The following UPF2 variants were observed in gnomAD, a reference collection of about 807,000 sequenced individuals.
UPF2 encodes the protein UPF2 regulator of nonsense mediated mRNA decay, also known as regulator of nonsense transcripts 2.
UPF2 carries 17 observed loss-of-function variants against 141.4 expected under a neutral mutation model. The observed-to-expected ratio is 0.12, with a 90% confidence interval of 0.08 to 0.18. The LOEUF (loss-of-function observed/expected upper bound fraction) is 0.18, where lower values mean the gene tolerates loss of function less well. Ranked by LOEUF, UPF2 falls within the 10% of genes least tolerant of loss-of-function variation. The pLI is 1.00. For missense variants in UPF2, 1,152 were observed against 1,515.9 expected, an observed-to-expected ratio of 0.76 and a Z score of 3.99; for synonymous variants, 540 against 498.0, an observed-to-expected ratio of 1.08 and a Z score of -1.12.
At chr10:12,036,183 T>A (rs1320575128) in intron 1 of UPF2, among the ~76,000 whole-genome samples, 2 of 152,138 alleles carry the variant, frequency 1.3e-5, no homozygotes, top group Non-Finnish European at 2.9e-5. Flanking sequence ...CCATTGACAG[T>A]TTGGGCAAAA....
intron 2 of UPF2, among the ~76,000 whole-genome samples, chr10:12,032,743 A>G (rs940084639): frequency 2.7e-5 from 4 of 149,906 alleles, no homozygotes; most frequent in Non-Finnish European, 4.4e-5. Context: ...GTCTCAAAAA[A>G]AAAAAAAAAA....
intron 21 of UPF2, among the ~76,000 whole-genome samples, chr10:11,922,051 G>A (rs1240593881): frequency 1.3e-5 from 2 of 152,156 alleles, no homozygotes; most frequent in Non-Finnish European, 2.9e-5. Flanking sequence ...CACACAGGGG[G>A]AAAAGGCCAC....
chr10:11,954,643 A>AAAAAATATATAT (rs1439199969), intron 14 of UPF2, among the ~76,000 whole-genome samples: 1 of 128,344 alleles, frequency 7.8e-6, no homozygotes, highest in African/African-American at 2.7e-5. Flanking sequence ...CAAAAAAAAA[A>AAAAAATATATAT]ATATATATAT....
intron 6 of UPF2, among the ~76,000 whole-genome samples, chr10:12,000,423 C>T (rs1275755150): frequency 6.6e-6 from 1 of 152,118 alleles, no homozygotes; most frequent in East Asian, 1.9e-4. Context: ...GAGAAAGAAT[C>T]TGCAGTAAGA....
chr10:11,949,414 G>A (rs1311229576), intron 15 of UPF2, among the ~76,000 whole-genome samples: 2 of 152,214 alleles, frequency 1.3e-5, no homozygotes, highest in Non-Finnish European at 1.5e-5. Context: ...CTTCCTGCAT[G>A]AACTGTCAAT....
intron 10 of UPF2, among the ~76,000 whole-genome samples, chr10:11,965,967 G>A (rs1174348111): frequency 1.3e-5 from 2 of 152,100 alleles, no homozygotes; most frequent in Admixed American, 1.3e-4. Flanking sequence ...TTCAAATGCA[G>A]AAGAATTATT....
chr10:11,966,008 T>A (rs1323659598), intron 10 of UPF2, among the ~76,000 whole-genome samples: 1 of 152,244 alleles, frequency 6.6e-6, no homozygotes, highest in African/African-American at 2.4e-5. Context: ...TTACCACATA[T>A]AATTAATTAC....
In UPF2 at chr10:11,959,281, A is replaced by G. The variant is rs758293616; in HGVS notation, c.2260T>C (p.Tyr754His). 1 of 1,613,198 alleles carries G rather than the reference A, an allele frequency of 6.2e-7. No homozygotes were observed. Among genetic ancestry groups the G allele is most frequent in the Non-Finnish European group, 8.5e-7 (1 of 1,179,732 alleles). ...TTTTCAGCTGGAGGTGGGTTGCAGT[A>G]GTAATATGCATTCTCTACCATTGTG... ...YVTMVENAYY[Y>H]CNPPPAEKTV... The change falls in exon 12 of 22, where the codon TAC becomes CAC. Residue 754 changes from tyrosine to histidine, a missense_variant. Tyr to His is a moderately conservative substitution (Grantham distance 83). Transcript: ENST00000357604. This position sits in a 1 kb window ranked among gnomAD's most constrained non-coding sequence, Gnocchi z 5.9.
At chr10:11,970,908 A>C (rs1459034319) in intron 9 of UPF2, among the ~76,000 whole-genome samples, 3 of 152,016 alleles carry the variant, frequency 2.0e-5, no homozygotes, top group Admixed American at 2.0e-4. Flanking sequence ...TATATTTTTA[A>C]ATCTCCTTGG....
Position 12,019,541 on chromosome 10 carries a change from C to T in UPF2, c.1146-5357G>A, listed in dbSNP as rs1362062456. The stretch of plus-strand genomic sequence containing the variant: ...TTCTCTCCTGCAATATCATTGCACA[C>T]TAGAGAGGTACTTGTCCCCTTTTAC... On this transcript the variant is annotated intron_variant, in intron 3 of 21. Coordinates refer to ENST00000357604, the MANE Select transcript of UPF2 (RefSeq NM_015542.4). This position sits in a 1 kb window ranked among gnomAD's most constrained non-coding sequence, Gnocchi z 4.5. 6.6e-6 allele frequency among the ~76,000 whole-genome samples: 1 copy of T among 152,208 alleles called. No homozygotes were observed. The highest frequency in any genetic ancestry group is 1.5e-5 in the Non-Finnish European group (1 of 68,032).
At chr10:11,994,219 G>A (rs1442689260) in intron 8 of UPF2, among the ~76,000 whole-genome samples, 2 of 152,028 alleles carry the variant, frequency 1.3e-5, no homozygotes, top group Non-Finnish European at 2.9e-5. Flanking sequence ...ACATAACCAC[G>A]AGGAGAAAAG....
At chr10:11,928,299 TG>T (rs1264075174) in intron 21 of UPF2, among the ~76,000 whole-genome samples, 1 of 151,932 alleles carries the variant, frequency 6.6e-6, no homozygotes, top group African/African-American at 2.4e-5. Context: ...ATCACGCTGC[TG>T]CACTCCAGCC....
chr10:11,962,545 C>T (rs1174142930), intron 11 of UPF2, among the ~76,000 whole-genome samples: 2 of 152,194 alleles, frequency 1.3e-5, no homozygotes, highest in African/African-American at 2.4e-5. Flanking sequence ...CATCCATACC[C>T]CGATTCATTT....
At position 11,920,826 on chromosome 10, in the gene UPF2, T is replaced by C. The variant is rs1421776062; in HGVS notation, c.*472A>G. The C allele has an allele frequency of 2.9e-6, 1 of 345,018 alleles. No individual in the cohort carries two copies. The highest frequency in any genetic ancestry group is 5.8e-6 in the Non-Finnish European group (1 of 173,328). The allele number at this position is 345,018 out of a possible 1,614,324, so 21.4% of individuals were successfully genotyped here. A position where few individuals can be genotyped will look rare whatever the true frequency, so the allele number is the denominator to read the frequency against. On this transcript the variant is annotated 3_prime_UTR_variant, in exon 22 of 22. Coordinates refer to ENST00000357604, the MANE Select transcript of UPF2 (RefSeq NM_015542.4). The stretch of plus-strand genomic sequence containing the variant: ...TTTTCCTGCTTGCTCTATACTTTTC[T>C]ACTGTAGTCCTGGAGCCCCCAAATG...
chr10:11,999,551 A>T (rs1194433772), intron 7 of UPF2, among the ~76,000 whole-genome samples: 1 of 151,656 alleles, frequency 6.6e-6, no homozygotes, highest in African/African-American at 2.4e-5. Context: ...AAGAAAAAAA[A>T]ACTTAGTATT....
In UPF2 at chr10:12,016,619, G is replaced by A. The variant is rs540464942; in HGVS notation, c.1146-2435C>T. Among the ~76,000 whole-genome samples the A allele has an allele frequency of 7.1e-4, 108 of 152,016 alleles. 1 individual carries two copies. Among genetic ancestry groups the A allele is most frequent in the Non-Finnish European group, 7.6e-4 (52 of 67,982 alleles). Reference sequence around the variant, plus strand: ...TAAGCCAGGAGAATCACTTGAACCCGGGAGGCAGAGGTTGCAGTGAGCCAA... The same window carrying A: ...TAAGCCAGGAGAATCACTTGAACCCAGGAGGCAGAGGTTGCAGTGAGCCAA... On this transcript the variant is annotated intron_variant, in intron 3 of 21. Transcript: ENST00000357604. This position sits in a 1 kb window ranked among gnomAD's most constrained non-coding sequence, Gnocchi z 4.1.
intron 16 of UPF2, among the ~76,000 whole-genome samples, chr10:11,946,668 T>C (rs1833004233): frequency 6.6e-6 from 1 of 152,240 alleles, no homozygotes; most frequent in Admixed American, 6.5e-5. Context: ...GTTTTGTTTC[T>C]TCTATACCCC....
rs1280914514 is a variant in UPF2 at position 11,921,738 on chromosome 10, T to G, written c.3810-431A>C. On this transcript the variant is annotated intron_variant, in intron 21 of 21. Transcript: ENST00000357604. The surrounding 1 kb of genome is among the most constrained non-coding windows in gnomAD (Gnocchi z 5.9). ...AACTGTAGTGCTTTTTTGAGAGCAT[T>G]CATGCTCTCTACTGAGCTACAACTT... 6.6e-5 allele frequency among the ~76,000 whole-genome samples: 10 copies of G among 152,094 alleles called. No homozygotes were observed. The highest frequency in any genetic ancestry group is 1.5e-5 in the Non-Finnish European group (1 of 68,022).
chr10:11,962,280 A>T (rs1393103578), intron 11 of UPF2, among the ~76,000 whole-genome samples: 1 of 152,238 alleles, frequency 6.6e-6, no homozygotes, highest in Non-Finnish European at 1.5e-5. Context: ...TTCTCAAATA[A>T]ATGTGAATAC....
Sources: allele counts gnomAD v4.1 joint callset (sites outside exome capture counted in the v4.1 genomes callset), GRCh38; gene constraint gnomAD v4.1.1; non-coding constraint Gnocchi (gnomAD v3.1); transcripts MANE v1.5; gene names NCBI Gene and HGNC (gene_info 2026-07-23, HGNC 2026-07-21).